SLC35A3: variants seen among roughly 807,000 people sequenced by gnomAD.
SLC35A3 encodes solute carrier family 35 member A3, also known as UDP-N-acetylglucosamine transporter.
SLC35A3 carries 26 observed loss-of-function variants against 39.0 expected under a neutral mutation model. That is an observed-to-expected ratio of 0.67 (90% CI 0.49 to 0.92). The LOEUF (loss-of-function observed/expected upper bound fraction) is 0.92, where lower values mean the gene tolerates loss of function less well. Among genes scored for constraint, SLC35A3 ranks in the 40% least tolerant of loss-of-function variants. SLC35A3 has a pLI of 0.00. For missense variants in SLC35A3, 299 were observed against 371.6 expected, an observed-to-expected ratio of 0.80 and a Z score of 1.61; for synonymous variants, 135 against 133.1, an observed-to-expected ratio of 1.01 and a Z score of -0.10.
chr1:100,034,871 G>A lies in SLC35A3; in HGVS notation c.*12395G>A, dbSNP rs1661412248. The A allele has an allele frequency of 6.6e-6, 1 of 152,040 alleles. No homozygotes were observed. Among genetic ancestry groups the A allele is most frequent in the Non-Finnish European group, 1.5e-5 (1 of 68,004 alleles). 9.4% of individuals were successfully genotyped at this position (152,040 alleles called of 1,614,324 possible). A position where few individuals can be genotyped will look rare whatever the true frequency, so the allele number is the denominator to read the frequency against. On this transcript the variant is annotated 3_prime_UTR_variant, in exon 8 of 8. Transcript: ENST00000533028. ...GTTTTCATGAACTTTCCAAACATTGGTTTCTGCTTGTTTCTAAGCCTGATT... is the reference window on the plus strand; with the variant it reads ...GTTTTCATGAACTTTCCAAACATTGATTTCTGCTTGTTTCTAAGCCTGATT...
chr1:100,031,098 G>A lies in SLC35A3; in HGVS notation c.*8622G>A, dbSNP rs987715555. 1 of 151,942 alleles carries A rather than the reference G, an allele frequency of 6.6e-6. No homozygotes were observed. Among genetic ancestry groups the A allele is most frequent in the Non-Finnish European group, 1.5e-5 (1 of 67,992 alleles). The allele number at this position is 151,942 out of a possible 1,614,324, so 9.4% of individuals were successfully genotyped here. A position where few individuals can be genotyped will look rare whatever the true frequency, so the allele number is the denominator to read the frequency against. ...TGTCAAGTTTCATTTTGTTTTCAAT[G>A]TTTTGTTTTTATAATATTGCCATTT... On this transcript the variant is annotated 3_prime_UTR_variant, in exon 8 of 8. Coordinates refer to ENST00000533028, the MANE Select transcript of SLC35A3 (RefSeq NM_012243.3).
intron 1 of SLC35A3, among the ~76,000 whole-genome samples, chr1:99,980,049 C>G (rs560284820): frequency 1.3e-5 from 2 of 150,844 alleles, no homozygotes; most frequent in East Asian, 3.9e-4. Flanking sequence ...GTCTCTCTCT[C>G]TCTATATATA....
intron 3 of SLC35A3, among the ~76,000 whole-genome samples, chr1:100,001,687 A>G (rs1658816227): frequency 1.3e-5 from 2 of 152,036 alleles, no homozygotes; most frequent in Non-Finnish European, 2.9e-5. Flanking sequence ...GGATGCCTTA[A>G]ATCTCATTTG....
At chr1:99,972,324 C>G (rs527506763) in intron 1 of SLC35A3, among the ~76,000 whole-genome samples, 1 of 147,778 alleles carries the variant, frequency 6.8e-6, no homozygotes, top group African/African-American at 2.5e-5. Flanking sequence ...AGCATTTGTA[C>G]TTACTACTTT....
intron 1 of SLC35A3, among the ~76,000 whole-genome samples, chr1:99,984,723 CA>C (rs1481815175): frequency 6.6e-6 from 1 of 152,214 alleles, no homozygotes; most frequent in Non-Finnish European, 1.5e-5. Context: ...GTTCCCTTTT[CA>C]ACACATCCAT....
chr1:100,000,291 A>G (rs1658678675), intron 3 of SLC35A3, among the ~76,000 whole-genome samples: 1 of 152,114 alleles, frequency 6.6e-6, no homozygotes, highest in Admixed American at 6.6e-5. Context: ...GCAGGATGAT[A>G]TGTCACTGTG....
rs376707219 is a variant in SLC35A3, at chr1:100,022,526, G to A, written c.*50G>A. ...TTCACGATGGGGCACTAGGAATCTC[G>A]ACATTAATCTTGCACAGAGGACTTC... is the stretch of plus-strand genomic sequence containing the variant. On this transcript the variant is annotated 3_prime_UTR_variant, in exon 8 of 8. Transcript: ENST00000533028. The A allele has an allele frequency of 1.6e-4, 153 of 948,870 alleles. No individual in the cohort carries two copies. The highest frequency in any genetic ancestry group is 2.4e-4 in the Non-Finnish European group (141 of 595,416). 58.8% of individuals were successfully genotyped at this position (948,870 alleles called of 1,614,324 possible).
intron 2 of SLC35A3, among the ~76,000 whole-genome samples, chr1:99,995,081 GTTTTT>G (rs368064551): frequency 6.9e-6 from 1 of 144,776 alleles, no homozygotes; most frequent in Admixed American, 6.8e-5. Flanking sequence ...TTTTTATGGG[GTTTTT>G]TTTTGGCTTT....
chr1:100,015,746 C>G (rs981123513), intron 6 of SLC35A3: 19 of 263,340 alleles, frequency 7.2e-5, no homozygotes, highest in Non-Finnish European at 1.1e-4. Context: ...CTGGGTCAGC[C>G]ATTAAGACCC....
intron 1 of SLC35A3, among the ~76,000 whole-genome samples, chr1:99,978,184 C>A (rs1375173305): frequency 1.3e-5 from 2 of 152,012 alleles, no homozygotes; most frequent in Non-Finnish European, 2.9e-5. Context: ...TACTGTTTTG[C>A]CTTTTATGTC....
intron 1 of SLC35A3, among the ~76,000 whole-genome samples, chr1:99,987,588 A>C (rs966477845): frequency 3.9e-5 from 6 of 152,196 alleles, no homozygotes; most frequent in African/African-American, 1.4e-4. Flanking sequence ...GCTTTTAGGA[A>C]TAGATCTCTC....
At chr1:99,972,193 G>A (rs1570555298) in intron 1 of SLC35A3, among the ~76,000 whole-genome samples, 1 of 151,942 alleles carries the variant, frequency 6.6e-6, no homozygotes, top group East Asian at 1.9e-4. Flanking sequence ...GAGCCACTAC[G>A]CCCAGCCCAT....
At position 100,023,295 on chromosome 1, in the gene SLC35A3, TAATTGCCATTA is replaced by T. The variant is rs1660678039; in HGVS notation, c.*824_*834del. 6.6e-6 allele frequency: 1 copy of T among 152,146 alleles called. No homozygotes were observed. Among genetic ancestry groups the T allele is most frequent in the Non-Finnish European group, 1.5e-5 (1 of 68,016 alleles). 9.4% of individuals were successfully genotyped at this position (152,146 alleles called of 1,614,324 possible). ...ATTATTTTAAATTAAAATTTGTGTGTAATTGCCATTAAATTTTCAAAATGTAATTTAAAAGG... is the reference window on the plus strand; with the variant it reads ...ATTATTTTAAATTAAAATTTGTGTGTAATTTTCAAAATGTAATTTAAAAGG... On this transcript the variant is annotated 3_prime_UTR_variant, in exon 8 of 8. Coordinates refer to ENST00000533028, the MANE Select transcript of SLC35A3 (RefSeq NM_012243.3).
chr1:100,015,344 A>T lies in SLC35A3; in HGVS notation c.677A>T (p.Tyr226Phe), dbSNP rs538679389. The T allele has an allele frequency of 1.9e-6, 3 of 1,613,048 alleles. No individual in the cohort carries two copies. Among genetic ancestry groups the T allele is most frequent in the Non-Finnish European group, 2.5e-6 (3 of 1,179,608 alleles). The change falls in exon 6 of 8, where the codon TAT becomes TTT. Residue 226 changes from tyrosine (Y) to phenylalanine (F), a missense_variant. Physicochemically the swap from Tyr to Phe is conservative, Grantham distance 22. Transcript: ENST00000533028. Reference sequence around the variant, plus strand: ...TTTGGATTAATGGGTGTATACATTTATGATGGAGAACTGGTATCAAAGAAT... The same window carrying T: ...TTTGGATTAATGGGTGTATACATTTTTGATGGAGAACTGGTATCAAAGAAT... ...SIFGLMGVYI[Y>F]DGELVSKNGF...
intron 1 of SLC35A3, among the ~76,000 whole-genome samples, chr1:99,975,423 G>A (rs907163043): frequency 6.6e-6 from 1 of 152,142 alleles, no homozygotes; most frequent in Non-Finnish European, 1.5e-5. Flanking sequence ...TATATCATTT[G>A]TCAACAAATT....
At chr1:100,011,880 G>A (rs1489043161) in intron 5 of SLC35A3, among the ~76,000 whole-genome samples, 2 of 150,612 alleles carry the variant, frequency 1.3e-5, no homozygotes, top group African/African-American at 2.4e-5. Flanking sequence ...CACCACGCCC[G>A]GCTAATTTTT....
At chr1:100,004,077 A>G (rs1323359371) in intron 3 of SLC35A3, among the ~76,000 whole-genome samples, 2 of 152,146 alleles carry the variant, frequency 1.3e-5, no homozygotes, top group Non-Finnish European at 2.9e-5. Flanking sequence ...TTGCCAGTCC[A>G]TATCTTTTAT....
At position 100,033,833 on chromosome 1, in the gene SLC35A3, T is replaced by C. The variant is rs1661372375; in HGVS notation, c.*11357T>C. The C allele has an allele frequency of 2.6e-5, 4 of 152,282 alleles. No individual in the cohort carries two copies. The East Asian group carries it at 5.8e-4, about 22-fold the overall frequency. 9.4% of individuals were successfully genotyped at this position (152,282 alleles called of 1,614,324 possible). A position where few individuals can be genotyped will look rare whatever the true frequency, so the allele number is the denominator to read the frequency against. On this transcript the variant is annotated 3_prime_UTR_variant, in exon 8 of 8. Transcript: ENST00000533028. Reference sequence around the variant, plus strand: ...CCTTTGTAATAAAATTAATTAAAATTTTAAAAAAGTATATTTAATAACCTA... The same window carrying C: ...CCTTTGTAATAAAATTAATTAAAATCTTAAAAAAGTATATTTAATAACCTA...
At position 100,030,493 on chromosome 1, in the gene SLC35A3, A is replaced by C. The variant is rs1661164013; in HGVS notation, c.*8017A>C. On this transcript the variant is annotated 3_prime_UTR_variant, in exon 8 of 8. Transcript: ENST00000533028. ...TATGAGATTTTTTTGCAATTTTTTA[A>C]AGCTCATCAGCTATTATTAGTTACT... 6.6e-6 allele frequency: 1 copy of C among 152,226 alleles called. No individual in the cohort carries two copies. Among genetic ancestry groups the C allele is most frequent in the Non-Finnish European group, 1.5e-5 (1 of 68,042 alleles). The allele number at this position is 152,226 out of a possible 1,614,324, so 9.4% of individuals were successfully genotyped here.
Sources: gnomAD v4.1 joint callset for allele counts (sites outside exome capture counted in the v4.1 genomes callset) on GRCh38, gnomAD v4.1.1 for gene constraint, MANE v1.5 for transcripts, NCBI Gene and HGNC (gene_info 2026-07-23, HGNC 2026-07-21) for gene names.